Variants in ELF5 observed in about 807,000 individuals in gnomAD.
ELF5 encodes ETS-related transcription factor Elf-5.
ELF5 carries 31 observed loss-of-function variants against 38.2 expected under a neutral mutation model. The observed-to-expected ratio is 0.81, with a 90% CI of 0.61 to 1.10. ELF5 has a LOEUF of 1.10. ELF5 is among the 50% of genes least tolerant of loss of function. The pLI, the probability that ELF5 is intolerant of heterozygous loss-of-function variation, is 0.00. For synonymous variants in ELF5, 121 were observed against 112.5 expected, an observed-to-expected ratio of 1.08 and a Z score of -0.48; for missense variants, 300 against 306.6, an observed-to-expected ratio of 0.98 and a Z score of 0.16.
intron 4 of ELF5, 54 bp downstream of exon 4, chr11:34,489,955 T>C: frequency 3.8e-6 from 6 of 1,593,696 alleles, no homozygotes; most frequent in African/African-American, 1.3e-5. Context: ...GTCAAGCCCA[T>C]GTACCAATGA....
In ELF5 at chr11:34,490,762, A is replaced by G. The variant is rs78502285; in HGVS notation, c.356-703T>C. Among the ~76,000 whole-genome samples the G allele has an allele frequency of 2.1e-4, 32 of 152,286 alleles. No homozygotes were observed. In the East Asian group the frequency reaches 6.2e-3, roughly 29 times the overall value. On this transcript the variant is annotated intron_variant, in intron 3 of 6. Coordinates refer to ENST00000257832, the MANE Select transcript of ELF5 (RefSeq NM_001422.4). ...TGTCCTAGCTTGGTCCAACACGAGGACTAATCTCTACTTGCTAAGCAGACT... is the reference window on the plus strand; with the variant it reads ...TGTCCTAGCTTGGTCCAACACGAGGGCTAATCTCTACTTGCTAAGCAGACT...
intron 2 of ELF5, among the ~76,000 whole-genome samples, chr11:34,499,841 A>G (rs779063956): frequency 6.6e-6 from 1 of 152,162 alleles, no homozygotes; most frequent in Non-Finnish European, 1.5e-5. Context: ...GGCTGTGGAG[A>G]TGGACCTTCC....
intron 2 of ELF5, among the ~76,000 whole-genome samples, chr11:34,503,527 C>T (rs1850526351): frequency 6.6e-6 from 1 of 151,986 alleles, no homozygotes; most frequent in Non-Finnish European, 1.5e-5. Context: ...CAGCTCACTG[C>T]AGCCTCGGCC....
intron 4 of ELF5, among the ~76,000 whole-genome samples, chr11:34,489,567 C>T (rs1040926621): frequency 4.6e-5 from 7 of 152,310 alleles, no homozygotes; most frequent in African/African-American, 1.2e-4. Flanking sequence ...GATCCTCCAT[C>T]GTCTTATAAT....
intron 1 of ELF5, among the ~76,000 whole-genome samples, chr11:34,506,468 A>G (rs1325114439): frequency 6.6e-6 from 1 of 152,224 alleles, no homozygotes; most frequent in African/African-American, 2.4e-5. Flanking sequence ...AAACCTGCAC[A>G]CATACCCCCT....
chr11:34,484,823 T>C lies in ELF5; in HGVS notation c.407-2324A>G, dbSNP rs1369060877. Among the ~76,000 whole-genome samples, 4 of 152,154 alleles carry C rather than the reference T, an allele frequency of 2.6e-5. No homozygotes were observed. In the East Asian group the frequency reaches 7.7e-4, roughly 29 times the overall value. Reference sequence around the variant, plus strand: ...CTTCCCTTAGGTCAAATGGTTCCATTGAGGCAAGGCTTTCTTCTGCCTCAG... The same window carrying C: ...CTTCCCTTAGGTCAAATGGTTCCATCGAGGCAAGGCTTTCTTCTGCCTCAG... On this transcript the variant is annotated intron_variant, in intron 4 of 6. Transcript: ENST00000257832.
At chr11:34,512,043 C>A (rs1232546609) in intron 1 of ELF5, among the ~76,000 whole-genome samples, 1 of 152,122 alleles carries the variant, frequency 6.6e-6, no homozygotes, top group African/African-American at 2.4e-5. Flanking sequence ...GGTTTTCCTT[C>A]CTTAAAGCCT....
chr11:34,508,814 A>G (rs1850677861), intron 1 of ELF5, among the ~76,000 whole-genome samples: 1 of 152,220 alleles, frequency 6.6e-6, no homozygotes, highest in South Asian at 2.1e-4. Context: ...TCAAGGTCAC[A>G]TAGCCAGTGG....
intron 2 of ELF5, among the ~76,000 whole-genome samples, chr11:34,500,015 A>G (rs1238681728): frequency 2.0e-5 from 3 of 152,248 alleles, no homozygotes; most frequent in Non-Finnish European, 4.4e-5. Flanking sequence ...TAAAGAACTT[A>G]GCCTAGTATC....
intron 1 of ELF5, among the ~76,000 whole-genome samples, chr11:34,510,699 A>G (rs1030002770): frequency 6.6e-6 from 1 of 152,160 alleles, no homozygotes; most frequent in African/African-American, 2.4e-5. Flanking sequence ...AAACTGAGTT[A>G]TTAATTACAG....
chr11:34,493,487 C>A lies in ELF5; in HGVS notation c.347G>T (p.Arg116Leu), dbSNP rs371514980. 48 of 1,613,290 alleles carry A rather than the reference C, an allele frequency of 3.0e-5. No individual in the cohort carries two copies. The highest frequency in any genetic ancestry group is 2.2e-4 in the South Asian group (20 of 90,918). The change falls in exon 3 of 7, where the codon CGC becomes CTC. Residue 116 changes from arginine (R) to leucine (L), a missense_variant. Coordinates refer to ENST00000257832, the MANE Select transcript of ELF5 (RefSeq NM_001422.4). The stretch of plus-strand genomic sequence containing the variant: ...GCCCTCTGAACACTGACCTTGTGTG[C>A]GGATGTTCTGGAGGATGAAGTACAG... ...EYLYFILQNIRTQGYSFFNDA... is the reference protein window; with the variant it reads ...EYLYFILQNILTQGYSFFNDA...
intron 3 of ELF5, among the ~76,000 whole-genome samples, chr11:34,490,786 C>A (rs1402603514): frequency 6.6e-6 from 1 of 152,156 alleles, no homozygotes; most frequent in Non-Finnish European, 1.5e-5. Flanking sequence ...GCTAAGCAGA[C>A]TGGAGCAGGG....
At chr11:34,497,968 A>G (rs1461435793) in intron 2 of ELF5, among the ~76,000 whole-genome samples, 1 of 152,170 alleles carries the variant, frequency 6.6e-6, no homozygotes, top group African/African-American at 2.4e-5. Context: ...TCAAGTTAAA[A>G]CTTATCTGGA....
chr11:34,485,561 C>G lies in ELF5; in HGVS notation c.407-3062G>C, dbSNP rs1030927202. Among the ~76,000 whole-genome samples the G allele has an allele frequency of 3.9e-5, 6 of 152,316 alleles. 1 individual carries two copies. The South Asian group carries it at 1.2e-3, about 32-fold the overall frequency. Reference sequence around the variant, plus strand: ...TGTCCTTTTGATTTTAATGATTTCTCCCATGTTTTGGATGAAGGGGATCTG... The same window carrying G: ...TGTCCTTTTGATTTTAATGATTTCTGCCATGTTTTGGATGAAGGGGATCTG... On this transcript the variant is annotated intron_variant, in intron 4 of 6. Coordinates refer to ENST00000257832, the MANE Select transcript of ELF5 (RefSeq NM_001422.4).
At chr11:34,494,969 C>T (rs1850280912) in intron 2 of ELF5, among the ~76,000 whole-genome samples, 2 of 152,154 alleles carry the variant, frequency 1.3e-5, no homozygotes, top group South Asian at 2.1e-4. Context: ...TGCAGCCACA[C>T]GTTGTATGTT....
chr11:34,506,175 G>T (rs140251658), intron 1 of ELF5, among the ~76,000 whole-genome samples: 3 of 152,206 alleles, frequency 2.0e-5, no homozygotes, highest in Admixed American at 2.0e-4. Context: ...ACAAGATCAT[G>T]CCCTGTGCAG....
intron 4 of ELF5, among the ~76,000 whole-genome samples, chr11:34,483,689 T>C (rs965219926): frequency 2.0e-4 from 30 of 152,012 alleles, no homozygotes; most frequent in African/African-American, 6.3e-4. Context: ...ATACCAACTA[T>C]ACTGTACTGT....
intron 1 of ELF5, 60 bp from the exon 2 acceptor site, chr11:34,505,813 T>C (rs940867464): frequency 7.1e-6 from 11 of 1,551,696 alleles, no homozygotes; most frequent in Non-Finnish European, 9.6e-6. Flanking sequence ...AGCCACACTG[T>C]GCAGGAGCCC....
At chr11:34,481,635 C>T (rs181133657) in intron 5 of ELF5, among the ~76,000 whole-genome samples, 109 of 152,250 alleles carry the variant, frequency 7.2e-4, no homozygotes, top group Non-Finnish European at 2.2e-4. Context: ...TGTACTGATT[C>T]CACAGCCACA....
Sources: gnomAD v4.1 joint callset for allele counts (sites outside exome capture counted in the v4.1 genomes callset) on GRCh38, gnomAD v4.1.1 for gene constraint, MANE v1.5 for transcripts, NCBI Gene and HGNC (gene_info 2026-07-23, HGNC 2026-07-21) for gene names.